The following CSMD1 variants were observed in gnomAD, a reference collection of about 807,000 sequenced individuals.
CSMD1 encodes the protein CUB and sushi domain-containing protein 1.
A neutral mutation model predicts 417.5 loss-of-function variants in CSMD1; 213 were observed. The ratio of observed to expected loss-of-function variants is 0.51; its 90% CI spans 0.46 to 0.57. The LOEUF is 0.57. Ranked by LOEUF, CSMD1 falls within the 20% of genes least tolerant of loss-of-function variation. The probability of loss-of-function intolerance (pLI) is 0.00; values close to 1 mark genes in which losing one functional copy is unlikely to be tolerated. For missense variants in CSMD1, 6,923 were observed against 4,529.7 expected, an observed-to-expected ratio of 1.53 and a Z score of -15.17; for synonymous variants, 2,862 against 1,736.8, an observed-to-expected ratio of 1.65 and a Z score of -16.11.
chr8:3,264,686 T>A (rs1801307779), intron 26 of CSMD1, among the ~76,000 whole-genome samples: 1 of 152,124 alleles, frequency 6.6e-6, no homozygotes, highest in Non-Finnish European at 1.5e-5. Flanking sequence ...GTAAAAAGAG[T>A]ATTGTGTCCT....
chr8:3,736,983 G>C (rs1274771724), intron 6 of CSMD1, among the ~76,000 whole-genome samples: 1 of 152,128 alleles, frequency 6.6e-6, no homozygotes, highest in Non-Finnish European at 1.5e-5. Context: ...TTTCCTCCCA[G>C]GATCTGATAC....
chr8:3,615,964 C>T (rs533236896), intron 8 of CSMD1, among the ~76,000 whole-genome samples: 1 of 152,256 alleles, frequency 6.6e-6, no homozygotes, highest in African/African-American at 2.4e-5. Context: ...AATGTAGCAA[C>T]AGAAAATCAG....
At chr8:3,904,292 G>T (rs1391557450) in intron 5 of CSMD1, among the ~76,000 whole-genome samples, 1 of 152,196 alleles carries the variant, frequency 6.6e-6, no homozygotes, top group East Asian at 1.9e-4. Flanking sequence ...CTTCCTGGAG[G>T]ACACCCCTTT....
At chr8:3,852,886 C>T (rs749455754) in intron 5 of CSMD1, among the ~76,000 whole-genome samples, 1 of 152,122 alleles carries the variant, frequency 6.6e-6, no homozygotes, top group Non-Finnish European at 1.5e-5. Context: ...CACGCAGGTT[C>T]CTATTTCTCT....
At chr8:3,922,390 G>A (rs1020526174) in intron 5 of CSMD1, among the ~76,000 whole-genome samples, 1 of 151,784 alleles carries the variant, frequency 6.6e-6, no homozygotes, top group African/African-American at 2.4e-5. Context: ...ATTATTAATA[G>A]GTAAGAACTT....
intron 5 of CSMD1, among the ~76,000 whole-genome samples, chr8:3,974,181 G>A (rs1813265237): frequency 6.6e-6 from 1 of 151,984 alleles, no homozygotes; most frequent in Non-Finnish European, 1.5e-5. Context: ...CACCCCCACA[G>A]TTTATTAGCT....
At chr8:3,965,576 T>G (rs945683017) in intron 5 of CSMD1, among the ~76,000 whole-genome samples, 7 of 152,224 alleles carry the variant, frequency 4.6e-5, no homozygotes, top group South Asian at 2.1e-4. Flanking sequence ...ATTCCAGGCC[T>G]TAGTGTTAAT....
chr8:4,749,980 C>T (rs909306138), intron 1 of CSMD1, among the ~76,000 whole-genome samples: 1 of 151,718 alleles, frequency 6.6e-6, no homozygotes, highest in Non-Finnish European at 1.5e-5. Context: ...TTTAATAAAA[C>T]CCTTGTTTAA....
intron 2 of CSMD1, among the ~76,000 whole-genome samples, chr8:4,524,658 TAAATGTCTTTA>T (rs1339749661): frequency 2.0e-5 from 3 of 146,548 alleles, no homozygotes; most frequent in African/African-American, 7.5e-5. Flanking sequence ...GTTGATGAAA[TAAATGTCTTTA>T]TCTCCTTAGA....
intron 1 of CSMD1, among the ~76,000 whole-genome samples, chr8:4,770,114 A>C (rs1437824837): frequency 6.6e-6 from 1 of 151,502 alleles, no homozygotes; most frequent in Non-Finnish European, 1.5e-5. Context: ...AAAATACTTA[A>C]CGTTGTTACA....
At chr8:3,586,946 T>C (rs1284734508) in intron 8 of CSMD1, among the ~76,000 whole-genome samples, 1 of 152,144 alleles carries the variant, frequency 6.6e-6, no homozygotes, top group Non-Finnish European at 1.5e-5. Context: ...ACTACAGATG[T>C]GCACAACTAG....
At chr8:3,977,686 A>T (rs1813543740) in intron 5 of CSMD1, among the ~76,000 whole-genome samples, 1 of 152,186 alleles carries the variant, frequency 6.6e-6, no homozygotes, top group Non-Finnish European at 1.5e-5. Context: ...GTGGTAAATC[A>T]CCAACTTTCT....
chr8:4,009,965 A>T (rs557342530), intron 4 of CSMD1, among the ~76,000 whole-genome samples: 11 of 152,228 alleles, frequency 7.2e-5, no homozygotes, highest in Non-Finnish European at 1.3e-4. Context: ...CCTCTAAAAG[A>T]TCTACACATC....
chr8:3,685,582 T>A (rs974878677), intron 7 of CSMD1, among the ~76,000 whole-genome samples: 1 of 152,184 alleles, frequency 6.6e-6, no homozygotes, highest in Non-Finnish European at 1.5e-5. Flanking sequence ...GAGTGAAGCA[T>A]CTGGCATCTC....
rs559587029 is a variant in CSMD1, at chr8:3,520,820, C to T, written c.1345-27094G>A. Among the ~76,000 whole-genome samples the T allele has an allele frequency of 5.9e-5, 9 of 152,228 alleles. No homozygotes were observed. The South Asian group carries it at 8.3e-4, about 14-fold the overall frequency. On this transcript the variant is annotated intron_variant, in intron 10 of 69. Transcript: ENST00000635120. ...TGTAGAGGAAATCTCCACTAGGAAA[C>T]ATCAACACCTCAAATACAACCTCTC...
intron 1 of CSMD1, among the ~76,000 whole-genome samples, chr8:4,854,111 T>C (rs1333051732): frequency 1.3e-5 from 2 of 152,106 alleles, no homozygotes; most frequent in South Asian, 2.1e-4. Flanking sequence ...CATAGAACTT[T>C]TGAGTTAATG....
chr8:3,242,994 G>C (rs531060037), intron 26 of CSMD1, among the ~76,000 whole-genome samples: 5 of 152,242 alleles, frequency 3.3e-5, no homozygotes, highest in African/African-American at 1.2e-4. Context: ...TCCGTAGTCC[G>C]TGACCAGCGC....
intron 1 of CSMD1, among the ~76,000 whole-genome samples, chr8:4,906,420 C>T (rs1312738467): frequency 2.6e-5 from 4 of 152,116 alleles, no homozygotes; most frequent in Non-Finnish European, 5.9e-5. Flanking sequence ...TGGTCTGGCC[C>T]CAGCAACTTA....
chr8:3,223,974 AT>A, intron 27 of CSMD1, 107 bp from the exon 28 acceptor site: 2 of 1,073,088 alleles, frequency 1.9e-6, no homozygotes, highest in South Asian at 1.6e-5. Context: ...AGACATCAGC[AT>A]TTTTACCAGT....
Sources: gnomAD v4.1 joint callset for allele counts (sites outside exome capture counted in the v4.1 genomes callset) on GRCh38, gnomAD v4.1.1 for gene constraint, MANE v1.5 for transcripts, NCBI Gene and HGNC (gene_info 2026-07-23, HGNC 2026-07-21) for gene names.